The following CHN2 variants were observed in gnomAD, a reference collection of about 807,000 sequenced individuals.
CHN2 encodes the protein chimerin 2, also known as beta-chimaerin.
Under a neutral mutation model 56.3 loss-of-function variants are expected in CHN2, and 35 were observed. The ratio of observed to expected loss-of-function variants is 0.62; its 90% confidence interval spans 0.47 to 0.82. CHN2 has a LOEUF of 0.82. CHN2 is among the 40% of genes least tolerant of loss of function. The probability of loss-of-function intolerance (pLI) is 0.00; values close to 1 mark genes in which losing one functional copy is unlikely to be tolerated. For synonymous variants in CHN2, 210 were observed against 212.8 expected (o/e 0.99, Z 0.12); for missense variants, 491 against 580.5 (o/e 0.85, Z 1.58).
In CHN2 at chr7:29,512,994, GATTA is replaced by G; in HGVS notation, c.*262_*265del. On this transcript the variant is annotated 3_prime_UTR_variant, in exon 13 of 13. Coordinates refer to ENST00000222792, the MANE Select transcript of CHN2 (RefSeq NM_004067.4). ...TGTATGTCTGGTTTGCTGGAAGAGT[GATTA>G]ATACATCTTTAATTTATTAAAAAAC... is the stretch of plus-strand genomic sequence containing the variant. The G allele has an allele frequency of 2.9e-6, 1 of 346,754 alleles. No individual in the cohort carries two copies. The highest frequency in any genetic ancestry group is 5.2e-6 in the Non-Finnish European group (1 of 192,752). The allele number at this position is 346,754 out of a possible 1,614,324, so 21.5% of individuals were successfully genotyped here.
chr7:29,363,468 G>A (rs1295176950), intron 2 of CHN2, among the ~76,000 whole-genome samples: 1 of 152,086 alleles, frequency 6.6e-6, no homozygotes, highest in African/African-American at 2.4e-5. Context: ...CTGGGCAACA[G>A]AGCAAGCCTC....
chr7:29,317,412 G>C lies in CHN2; in HGVS notation c.50-37213G>C, dbSNP rs578076243. ...CTTTGGGACCGAAGGATATTTCCCA[G>C]ATCCTCGATGTGCAAAGTGTGGTCC... On this transcript the variant is annotated intron_variant, in intron 1 of 12. Coordinates refer to ENST00000222792, the MANE Select transcript of CHN2 (RefSeq NM_004067.4). Among the ~76,000 whole-genome samples the C allele has an allele frequency of 4.6e-5, 7 of 152,314 alleles. No individual in the cohort carries two copies. The East Asian group carries it at 1.4e-3, about 29-fold the overall frequency.
At chr7:29,443,868 A>G (rs932106258) in intron 6 of CHN2, among the ~76,000 whole-genome samples, 2 of 152,198 alleles carry the variant, frequency 1.3e-5, no homozygotes, top group African/African-American at 2.4e-5. Context: ...AGCAGGTCAT[A>G]TGGTCAAGCC....
chr7:29,436,523 T>G (rs1249922748), intron 6 of CHN2, among the ~76,000 whole-genome samples: 1 of 152,114 alleles, frequency 6.6e-6, no homozygotes, highest in Non-Finnish European at 1.5e-5. Flanking sequence ...GTCCCCGTTG[T>G]CCCCAGCTTG....
intron 7 of CHN2, among the ~76,000 whole-genome samples, chr7:29,494,975 AAAAAAATT>A: frequency 6.7e-6 from 1 of 149,560 alleles, no homozygotes; most frequent in East Asian, 1.9e-4. Flanking sequence ...AAAAAAAAAA[AAAAAAATT>A]GTCTACATTT....
chr7:29,157,569 A>G (rs528159899), intron 2 of CHN2, among the ~76,000 whole-genome samples: 1 of 152,330 alleles, frequency 6.6e-6, no homozygotes, highest in Admixed American at 6.5e-5. Context: ...CAAAGTATGA[A>G]AATATCACCC....
At chr7:29,312,009 C>A (rs1214728968) in intron 1 of CHN2, among the ~76,000 whole-genome samples, 1 of 152,038 alleles carries the variant, frequency 6.6e-6, no homozygotes, top group Non-Finnish European at 1.5e-5. Flanking sequence ...TTCTCTAGTT[C>A]TCTTCTTTTA....
At chr7:29,415,225 T>C (rs770563067) in intron 6 of CHN2, among the ~76,000 whole-genome samples, 2 of 152,184 alleles carry the variant, frequency 1.3e-5, no homozygotes, top group Non-Finnish European at 2.9e-5. Context: ...TCTTTCTGCC[T>C]GGACTTGCTA....
At chr7:29,369,703 G>A (rs184909977) in intron 3 of CHN2, among the ~76,000 whole-genome samples, 34 of 152,172 alleles carry the variant, frequency 2.2e-4, no homozygotes, top group East Asian at 7.7e-4. Flanking sequence ...TAGGCGATTC[G>A]GATTATCCTC....
intron 1 of CHN2, among the ~76,000 whole-genome samples, chr7:29,328,340 CT>C (rs1554273316): frequency 6.6e-6 from 1 of 152,084 alleles, no homozygotes; most frequent in Non-Finnish European, 1.5e-5. Flanking sequence ...AGTTCAAAGT[CT>C]TTTTTTCTTT....
At chr7:29,412,348 T>TTTTG (rs1803317297) in intron 6 of CHN2, among the ~76,000 whole-genome samples, 1 of 100,920 alleles carries the variant, frequency 9.9e-6, no homozygotes, top group African/African-American at 3.9e-5. Flanking sequence ...TTTTTTTTTT[T>TTTTG]GGGAGACGGA....
intron 1 of CHN2, among the ~76,000 whole-genome samples, chr7:29,220,051 G>A (rs1785649482): frequency 1.3e-5 from 2 of 151,562 alleles, no homozygotes; most frequent in South Asian, 4.2e-4. Flanking sequence ...CCTCAGCCTG[G>A]GTGACAGAGC....
intron 7 of CHN2, among the ~76,000 whole-genome samples, chr7:29,481,841 AT>A (rs1787285761): frequency 1.3e-5 from 2 of 152,218 alleles, no homozygotes; most frequent in African/African-American, 4.8e-5. Context: ...CCTCTTGAAA[AT>A]TCCAATTCAT....
At chr7:29,272,418 G>C (rs546090930) in intron 1 of CHN2, among the ~76,000 whole-genome samples, 1 of 152,218 alleles carries the variant, frequency 6.6e-6, no homozygotes, top group South Asian at 2.1e-4. Context: ...GAACCTCCTG[G>C]ACCAAAGCCA....
chr7:29,472,434 G>A (rs1786183304), intron 6 of CHN2, among the ~76,000 whole-genome samples: 1 of 151,134 alleles, frequency 6.6e-6, no homozygotes, highest in Admixed American at 6.6e-5. Context: ...CACCATCCAG[G>A]GCTGTACGAA....
At chr7:29,176,423 G>A (rs1797352583) in intron 2 of CHN2, among the ~76,000 whole-genome samples, 1 of 152,118 alleles carries the variant, frequency 6.6e-6, no homozygotes, top group Non-Finnish European at 1.5e-5. Flanking sequence ...TTATTGGCAG[G>A]AAAACATGTC....
chr7:29,174,822 C>T (rs1490038000), intron 2 of CHN2, among the ~76,000 whole-genome samples: 2 of 147,890 alleles, frequency 1.4e-5, no homozygotes, highest in South Asian at 2.1e-4. Context: ...ATTGTGCCAT[C>T]GCACTCCAGC....
intron 3 of CHN2, among the ~76,000 whole-genome samples, chr7:29,378,897 G>A (rs751177583): frequency 2.7e-4 from 41 of 152,278 alleles, no homozygotes; most frequent in African/African-American, 4.8e-4. Flanking sequence ...CCCAGGAGGC[G>A]GAGGTTGCAG....
chr7:29,203,237 C>T (rs1357550540), intron 1 of CHN2, among the ~76,000 whole-genome samples: 3 of 152,072 alleles, frequency 2.0e-5, no homozygotes, highest in African/African-American at 7.2e-5. Flanking sequence ...GAGGCCAAGG[C>T]GGGTGGATCA....
Sources: allele counts gnomAD v4.1 joint callset (sites outside exome capture counted in the v4.1 genomes callset), GRCh38; gene constraint gnomAD v4.1.1; transcripts MANE v1.5; gene names NCBI Gene and HGNC (gene_info 2026-07-23, HGNC 2026-07-21).